SORCS2: variants seen among roughly 807,000 people sequenced by gnomAD.
SORCS2 encodes the protein VPS10 domain-containing receptor SorCS2.
A neutral mutation model predicts 141.6 loss-of-function variants in SORCS2; 100 were observed. The ratio of observed to expected loss-of-function variants is 0.71; its 90% CI spans 0.60 to 0.83. The LOEUF is 0.83. Among genes scored for constraint, SORCS2 ranks in the 40% least tolerant of loss-of-function variants. SORCS2 has a pLI of 0.00. For synonymous variants in SORCS2, 789 were observed against 676.9 expected (o/e 1.17, Z -2.57); for missense variants, 1,646 against 1,560.2 (o/e 1.05, Z -0.93).
At chr4:7,357,633 G>A (rs892192152) in intron 1 of SORCS2, among the ~76,000 whole-genome samples, 2 of 152,232 alleles carry the variant, frequency 1.3e-5, no homozygotes, top group African/African-American at 4.8e-5. Context: ...GGAAGATTAC[G>A]TGAGATAATA....
intron 5 of SORCS2, among the ~76,000 whole-genome samples, chr4:7,654,791 A>G (rs1375308144): frequency 6.6e-6 from 1 of 152,146 alleles, no homozygotes; most frequent in Non-Finnish European, 1.5e-5. Flanking sequence ...TGTACCCCAG[A>G]CAAGCCCCCA....
At chr4:7,541,589 C>T (rs1258474588) in intron 3 of SORCS2, among the ~76,000 whole-genome samples, 3 of 152,260 alleles carry the variant, frequency 2.0e-5, no homozygotes, top group East Asian at 1.9e-4. Flanking sequence ...TGCTCGGGGG[C>T]GCCCAGGCAG....
intron 4 of SORCS2, among the ~76,000 whole-genome samples, chr4:7,642,226 C>T (rs926721863): frequency 2.6e-5 from 4 of 152,234 alleles, no homozygotes; most frequent in Non-Finnish European, 4.4e-5. Flanking sequence ...TTCTCAGCCT[C>T]CTGGGCTACC....
intron 3 of SORCS2, among the ~76,000 whole-genome samples, chr4:7,577,272 TC>T (rs2108752508): frequency 6.6e-6 from 1 of 152,306 alleles, no homozygotes; most frequent in Non-Finnish European, 1.5e-5. Context: ...CAGCACCAGT[TC>T]CCTGGTGGGG....
At position 7,674,109 on chromosome 4, in the gene SORCS2, C is replaced by T. The variant is rs539062268; in HGVS notation, c.1162-1941C>T. Among the ~76,000 whole-genome samples the T allele has an allele frequency of 2.0e-5, 3 of 152,214 alleles. No individual in the cohort carries two copies. In the South Asian group the frequency reaches 6.2e-4, roughly 32 times the overall value. ...CCGTGGGCTCTGCATCACCCATGGT[C>T]CCACTTCACACATGGGGACGGCCAG... On this transcript the variant is annotated intron_variant, in intron 8 of 26. Coordinates refer to ENST00000507866, the MANE Select transcript of SORCS2 (RefSeq NM_020777.3).
At chr4:7,206,190 C>T (rs1268790286) in intron 1 of SORCS2, among the ~76,000 whole-genome samples, 1 of 152,224 alleles carries the variant, frequency 6.6e-6, no homozygotes, top group Non-Finnish European at 1.5e-5. Context: ...TGCCCTGCCC[C>T]AGTGTCCGCG....
chr4:7,386,554 A>G (rs976525880), intron 1 of SORCS2, among the ~76,000 whole-genome samples: 6 of 105,292 alleles, frequency 5.7e-5, no homozygotes, highest in South Asian at 7.4e-4. Context: ...ACACAGAGAT[A>G]CACACGCACA....
chr4:7,635,844 TTGG>T (rs1720208643), intron 3 of SORCS2, among the ~76,000 whole-genome samples: 2 of 152,316 alleles, frequency 1.3e-5, no homozygotes, highest in South Asian at 4.1e-4. Context: ...CGTCAGGCCC[TTGG>T]TGTGCTGGCA....
At chr4:7,441,596 AC>A (rs1365230062) in intron 2 of SORCS2, among the ~76,000 whole-genome samples, 1 of 151,752 alleles carries the variant, frequency 6.6e-6, no homozygotes, top group Non-Finnish European at 1.5e-5. Context: ...CCTGGGAGCT[AC>A]CCAGCCCAGA....
At chr4:7,244,400 C>T (rs11947768) in intron 1 of SORCS2, among the ~76,000 whole-genome samples, 99,222 of 152,192 alleles carry the variant, frequency 0.65, 33,287 homozygotes, top group East Asian at 0.73. Context: ...CCTGGTGGAA[C>T]GCGGCGCTGC....
chr4:7,348,518 G>A (rs955002406), intron 1 of SORCS2, among the ~76,000 whole-genome samples: 1 of 152,264 alleles, frequency 6.6e-6, no homozygotes, highest in East Asian at 1.9e-4. Context: ...CGAAGACCAT[G>A]TGGCTCATTA....
intron 1 of SORCS2, among the ~76,000 whole-genome samples, chr4:7,244,469 C>T (rs1712942249): frequency 6.6e-6 from 1 of 152,220 alleles, no homozygotes; most frequent in Non-Finnish European, 1.5e-5. Context: ...CCGTCCCTGC[C>T]CCTCGGTCGC....
intron 2 of SORCS2, among the ~76,000 whole-genome samples, chr4:7,424,593 C>T (rs890856410): frequency 1.3e-5 from 2 of 152,232 alleles, no homozygotes; most frequent in Non-Finnish European, 2.9e-5. Flanking sequence ...CGCTCCTCAC[C>T]TCCTCATGGT....
intron 3 of SORCS2, among the ~76,000 whole-genome samples, chr4:7,563,347 C>G (rs1385602545): frequency 1.3e-5 from 2 of 152,182 alleles, no homozygotes; most frequent in African/African-American, 4.8e-5. Flanking sequence ...AGACTTCATC[C>G]TTCATTTCCA....
chr4:7,665,876 G>A (rs1265126253), intron 7 of SORCS2, among the ~76,000 whole-genome samples: 1 of 152,124 alleles, frequency 6.6e-6, no homozygotes, highest in African/African-American at 2.4e-5. Context: ...AAGACCCCCG[G>A]AGCTCACCTA....
At chr4:7,541,288 G>A (rs981091311) in intron 3 of SORCS2, among the ~76,000 whole-genome samples, 26 of 152,372 alleles carry the variant, frequency 1.7e-4, no homozygotes, top group Admixed American at 1.6e-3. Context: ...TGGTGCTCAA[G>A]CTCAGGGTGC....
chr4:7,373,478 A>ATATATATATATATATATATATT (rs1470691140), intron 1 of SORCS2, among the ~76,000 whole-genome samples: 1 of 36,822 alleles, frequency 2.7e-5, no homozygotes, highest in Non-Finnish European at 4.1e-5. Context: ...ATATATATAT[A>ATATATATATATATATATATATT]TTTTTTTTTT....
In SORCS2 at chr4:7,609,115, G is replaced by A. The variant is rs551288669; in HGVS notation, c.649-29213G>A. 1.6e-4 allele frequency among the ~76,000 whole-genome samples: 25 copies of A among 152,202 alleles called. No homozygotes were observed. The East Asian group carries it at 3.9e-3, about 24-fold the overall frequency. ...CTGGTGAAGGGTTAAGGGCACAGGC[G>A]TGGGGTCAGACTCTACTCACTGGCT... is the stretch of plus-strand genomic sequence containing the variant. On this transcript the variant is annotated intron_variant, in intron 3 of 26. Transcript: ENST00000507866.
At chr4:7,692,631 C>T (rs1365119445) in intron 11 of SORCS2, among the ~76,000 whole-genome samples, 1 of 152,174 alleles carries the variant, frequency 6.6e-6, no homozygotes, top group Non-Finnish European at 1.5e-5. Flanking sequence ...AACAGAGGAG[C>T]AAAGGGATGA....
Sources: gnomAD v4.1 joint callset for allele counts (sites outside exome capture counted in the v4.1 genomes callset) on GRCh38, gnomAD v4.1.1 for gene constraint, MANE v1.5 for transcripts, NCBI Gene and HGNC (gene_info 2026-07-23, HGNC 2026-07-21) for gene names.